The following EYA4 variants were observed in gnomAD, a reference collection of about 807,000 sequenced individuals.
EYA4 encodes the protein EYA transcriptional coactivator and phosphatase 4.
In EYA4, 31 loss-of-function variants were observed where a neutral mutation model predicts 87.9. The observed-to-expected ratio is 0.35, with a 90% CI of 0.27 to 0.48. EYA4 has a LOEUF of 0.48. EYA4 is among the 20% of genes least tolerant of loss of function. The pLI, the probability that EYA4 is intolerant of heterozygous loss-of-function variation, is 0.99. For missense variants in EYA4, 678 were observed against 761.4 expected, an observed-to-expected ratio of 0.89 and a Z score of 1.29; for synonymous variants, 263 against 270.6, an observed-to-expected ratio of 0.97 and a Z score of 0.28.
chr6:133,388,934 G>A (rs964009623), intron 3 of EYA4, among the ~76,000 whole-genome samples: 2 of 152,010 alleles, frequency 1.3e-5, no homozygotes, highest in Admixed American at 6.6e-5. Context: ...CTCCGCCCAC[G>A]TCCTTCTGCT....
intron 3 of EYA4, among the ~76,000 whole-genome samples, chr6:133,392,335 A>T (rs1482585781): frequency 6.6e-6 from 1 of 152,208 alleles, no homozygotes; most frequent in African/African-American, 2.4e-5. Flanking sequence ...TTTAAAAAAA[A>T]AAACAATGTT....
chr6:133,477,540 A>G (rs531981175), intron 11 of EYA4, among the ~76,000 whole-genome samples: 65 of 151,960 alleles, frequency 4.3e-4, no homozygotes, highest in Non-Finnish European at 8.5e-4. Context: ...ATGGTTTGCA[A>G]ATATTTTCTC....
At chr6:133,286,849 A>G (rs1778103147) in intron 2 of EYA4, among the ~76,000 whole-genome samples, 1 of 152,144 alleles carries the variant, frequency 6.6e-6, no homozygotes, top group Non-Finnish European at 1.5e-5. Context: ...ATCTAATTAG[A>G]GTTTTTTAAC....
chr6:133,250,584 G>A (rs556110735), intron 1 of EYA4, among the ~76,000 whole-genome samples: 1 of 152,180 alleles, frequency 6.6e-6, no homozygotes. Context: ...AGAGGTTGCA[G>A]TGAGCTGAGA....
chr6:133,446,618 C>T lies in EYA4; in HGVS notation c.84-12C>T. Reference sequence around the variant, plus strand: ...AATTTCAACTTTTCTCTGCTGCTTACTGCTCTACCAGGTCTATGGAAATGC... The same window carrying T: ...AATTTCAACTTTTCTCTGCTGCTTATTGCTCTACCAGGTCTATGGAAATGC... On this transcript the variant is annotated splice_polypyrimidine_tract_variant and intron_variant, in intron 3 of 19. Coordinates refer to ENST00000355286, the MANE Select transcript of EYA4 (RefSeq NM_004100.5). 1.9e-6 allele frequency: 3 copies of T among 1,613,820 alleles called. No homozygotes were observed. The highest frequency in any genetic ancestry group is 2.5e-6 in the Non-Finnish European group (3 of 1,179,836).
rs1329738319 is a variant in EYA4, at chr6:133,529,393, A to G, written c.*588A>G. 4 of 994,520 alleles carry G rather than the reference A, an allele frequency of 4.0e-6. No homozygotes were observed. The highest frequency in any genetic ancestry group is 3.6e-6 in the Non-Finnish European group (3 of 834,484). The allele number at this position is 994,520 out of a possible 1,614,324, so 61.6% of individuals were successfully genotyped here. A position where few individuals can be genotyped will look rare whatever the true frequency, so the allele number is the denominator to read the frequency against. ...GTTGGGGAGGGGAATGGGAGGGGAA[A>G]TGGGAATATAATATTGTCTCTTTTT... is the stretch of plus-strand genomic sequence containing the variant. On this transcript the variant is annotated 3_prime_UTR_variant, in exon 20 of 20. Coordinates refer to ENST00000355286, the MANE Select transcript of EYA4 (RefSeq NM_004100.5).
chr6:133,371,627 C>T (rs543711459), intron 2 of EYA4, among the ~76,000 whole-genome samples: 109 of 152,122 alleles, frequency 7.2e-4, no homozygotes, highest in African/African-American at 2.5e-3. Context: ...TCTCCAAGTT[C>T]CTTATAAATT....
intron 2 of EYA4, among the ~76,000 whole-genome samples, chr6:133,369,266 TTTA>T (rs1206308568): frequency 3.9e-5 from 6 of 152,104 alleles, no homozygotes; most frequent in Admixed American, 1.3e-4. Context: ...ATTATCTGAT[TTTA>T]TTATCTAATC....
intron 2 of EYA4, among the ~76,000 whole-genome samples, chr6:133,297,049 G>C (rs1263913614): frequency 6.6e-6 from 1 of 152,080 alleles, no homozygotes; most frequent in Non-Finnish European, 1.5e-5. Context: ...ATTCTTTCTG[G>C]TGAATTCATG....
At chr6:133,451,526 C>A (rs1038716263) in intron 5 of EYA4, among the ~76,000 whole-genome samples, 1 of 152,114 alleles carries the variant, frequency 6.6e-6, no homozygotes, top group Non-Finnish European at 1.5e-5. Context: ...AGGGCAGTAT[C>A]TAAAAGAGTA....
chr6:133,479,446 G>GTGTT (rs1340736376), intron 11 of EYA4, among the ~76,000 whole-genome samples: 13 of 152,324 alleles, frequency 8.5e-5, no homozygotes, highest in African/African-American at 3.1e-4. Flanking sequence ...GACATGCACA[G>GTGTT]TGTTTCCCAA....
intron 10 of EYA4, among the ~76,000 whole-genome samples, chr6:133,468,123 A>C (rs1271717511): frequency 1.3e-5 from 2 of 152,048 alleles, no homozygotes; most frequent in African/African-American, 4.8e-5. Context: ...AAATCACAAA[A>C]ATGCAGACTG....
At chr6:133,367,016 G>T (rs920004505) in intron 2 of EYA4, among the ~76,000 whole-genome samples, 18 of 152,110 alleles carry the variant, frequency 1.2e-4, no homozygotes, top group African/African-American at 2.9e-4. Flanking sequence ...TAGTTAGTTT[G>T]CCAGTAATGA....
At chr6:133,527,279 C>A (rs767714832) in intron 19 of EYA4, among the ~76,000 whole-genome samples, 7 of 152,070 alleles carry the variant, frequency 4.6e-5, no homozygotes, top group Non-Finnish European at 8.8e-5. Context: ...TAGATCTGAG[C>A]TGAATGAAAA....
In EYA4 at chr6:133,305,376, G is replaced by A. The variant is rs142344791; in HGVS notation, c.33+30563G>A. ...AATAGCCTAGCTAGGGCAAGGGCAC[G>A]AGGAAGACCGGTTACAAGGCCAGTT... On this transcript the variant is annotated intron_variant, in intron 2 of 19. Coordinates refer to ENST00000355286, the MANE Select transcript of EYA4 (RefSeq NM_004100.5). Among the ~76,000 whole-genome samples, 545 of 152,264 alleles carry A rather than the reference G, an allele frequency of 3.6e-3. 15 individuals are homozygous for A. In the East Asian group the frequency reaches 0.037, roughly 10 times the overall value.
intron 13 of EYA4, among the ~76,000 whole-genome samples, chr6:133,500,269 A>C (rs1448411158): frequency 6.6e-6 from 1 of 151,970 alleles, no homozygotes; most frequent in Non-Finnish European, 1.5e-5. Context: ...AGGCATTGTG[A>C]AAGCTCCACC....
intron 2 of EYA4, among the ~76,000 whole-genome samples, chr6:133,340,544 T>C (rs756986881): frequency 4.6e-5 from 7 of 152,142 alleles, no homozygotes; most frequent in Non-Finnish European, 1.0e-4. Context: ...ATACAGAGAC[T>C]TCATAGACAT....
intron 13 of EYA4, among the ~76,000 whole-genome samples, chr6:133,491,402 A>G (rs937493591): frequency 3.3e-5 from 5 of 152,314 alleles, no homozygotes; most frequent in Middle Eastern, 3.4e-3. Flanking sequence ...AAATAGACAA[A>G]TCTTTAACCA....
intron 2 of EYA4, among the ~76,000 whole-genome samples, chr6:133,314,189 G>T (rs1023332229): frequency 2.6e-5 from 4 of 152,100 alleles, no homozygotes; most frequent in African/African-American, 9.7e-5. Context: ...CAGATTAAAT[G>T]AAATGCTAGG....
Sources: gnomAD v4.1 joint callset for allele counts (sites outside exome capture counted in the v4.1 genomes callset) on GRCh38, gnomAD v4.1.1 for gene constraint, MANE v1.5 for transcripts, NCBI Gene and HGNC (gene_info 2026-07-23, HGNC 2026-07-21) for gene names.